DPP6: variants seen among roughly 807,000 people sequenced by gnomAD.
The protein encoded by DPP6 is dipeptidyl peptidase like 6, also known as A-type potassium channel modulatory protein DPP6.
A neutral mutation model predicts 122.6 loss-of-function variants in DPP6; 69 were observed. The observed-to-expected ratio is 0.56, with a 90% CI of 0.46 to 0.69. The LOEUF is 0.69. Among genes scored for constraint, DPP6 ranks in the 30% least tolerant of loss-of-function variants. DPP6 has a pLI of 0.00. For missense variants in DPP6, 928 were observed against 1,116.9 expected (o/e 0.83, Z 2.41); for synonymous variants, 418 against 433.1 (o/e 0.97, Z 0.43).
chr7:154,656,785 G>T (rs1262617771), intron 6 of DPP6, among the ~76,000 whole-genome samples: 1 of 139,168 alleles, frequency 7.2e-6, no homozygotes, highest in Admixed American at 7.1e-5. Flanking sequence ...GTGGGAGGAG[G>T]TACTCATGTG....
chr7:153,771,953 AT>A, the DPP6 span, among the ~76,000 whole-genome samples: 1 of 152,170 alleles, frequency 6.6e-6, no homozygotes, highest in Non-Finnish European at 1.5e-5. Context: ...AAGATAACTG[AT>A]TTTTTCAAGC....
chr7:153,866,025 G>GCC, the DPP6 span, among the ~76,000 whole-genome samples: 1,017 of 152,172 alleles, frequency 6.7e-3, 10 homozygotes, highest in African/African-American at 0.023. Flanking sequence ...GTGTATATGT[G>GCC]CCACATTTTC....
chr7:154,848,701 T>G (rs1317683287), intron 16 of DPP6, among the ~76,000 whole-genome samples: 1 of 151,904 alleles, frequency 6.6e-6, no homozygotes, highest in Non-Finnish European at 1.5e-5. Flanking sequence ...TTTTGTTGCC[T>G]GTGTCTTTGG....
chr7:154,182,443 C>G (rs139595064), intron 1 of DPP6, among the ~76,000 whole-genome samples: 58 of 152,174 alleles, frequency 3.8e-4, no homozygotes, highest in Non-Finnish European at 5.4e-4. Context: ...GGTTTTATGT[C>G]GGGGCTGTTC....
rs140903226 is a variant in DPP6, at chr7:154,331,306, G to C, written c.244-114908G>C. ...TCTCTGTGTGGCTTTTTGTGAGAGGGATGTAAGATTTATTTTTCTCTATGA... is the reference window on the plus strand; with the variant it reads ...TCTCTGTGTGGCTTTTTGTGAGAGGCATGTAAGATTTATTTTTCTCTATGA... On this transcript the variant is annotated intron_variant, in intron 1 of 25. Transcript: ENST00000377770. Among the ~76,000 whole-genome samples the C allele has an allele frequency of 3.2e-3, 487 of 152,318 alleles. 4 individuals carry two copies. The highest frequency in any genetic ancestry group is 0.011 in the African/African-American group (458 of 41,576).
chr7:154,659,134 C>T (rs1837456773), intron 6 of DPP6, among the ~76,000 whole-genome samples: 1 of 152,146 alleles, frequency 6.6e-6, no homozygotes. Flanking sequence ...AAATCAAATT[C>T]CAATGCAAAA....
intron 2 of DPP6, among the ~76,000 whole-genome samples, chr7:154,462,756 C>T (rs1008317951): frequency 1.5e-4 from 22 of 151,386 alleles, no homozygotes; most frequent in Non-Finnish European, 1.9e-4. Flanking sequence ...CCCATCAACC[C>T]GTCATTTAGC....
intron 1 of DPP6, among the ~76,000 whole-genome samples, chr7:154,231,329 A>G (rs77399054): frequency 0.098 from 14,854 of 152,210 alleles, 1,004 homozygotes; most frequent in African/African-American, 0.18. Flanking sequence ...TGAATGGGAA[A>G]TGAGAGTTCT....
intron 7 of DPP6, among the ~76,000 whole-genome samples, chr7:154,677,327 GA>G (rs1838975686): frequency 6.6e-6 from 1 of 152,088 alleles, no homozygotes; most frequent in Non-Finnish European, 1.5e-5. Context: ...CTTCCTCCCA[GA>G]ACCGTGTCTT....
the DPP6 span, among the ~76,000 whole-genome samples, chr7:153,757,693 C>T: frequency 6.6e-6 from 1 of 152,176 alleles, no homozygotes; most frequent in Non-Finnish European, 1.5e-5. Context: ...CACGGTGGTT[C>T]ACACATGTAA....
intron 5 of DPP6, among the ~76,000 whole-genome samples, chr7:154,599,478 C>A (rs1431519827): frequency 3.3e-5 from 5 of 150,206 alleles, no homozygotes; most frequent in African/African-American, 1.2e-4. Context: ...GTTCTCTCTA[C>A]TCAAGTGGAC....
chr7:153,761,217 AT>A, the DPP6 span, among the ~76,000 whole-genome samples: 2 of 152,142 alleles, frequency 1.3e-5, no homozygotes, highest in Non-Finnish European at 2.9e-5. Context: ...GGATTCATCC[AT>A]TTCCTGTTTC....
chr7:154,419,664 T>A (rs1378444968), intron 1 of DPP6, among the ~76,000 whole-genome samples: 1 of 152,214 alleles, frequency 6.6e-6, no homozygotes, highest in African/African-American at 2.4e-5. Flanking sequence ...TCTATAAAAC[T>A]GGTGAACGCT....
intron 4 of DPP6, among the ~76,000 whole-genome samples, chr7:154,542,625 A>G (rs1426232366): frequency 6.6e-6 from 1 of 152,252 alleles, no homozygotes; most frequent in Non-Finnish European, 1.5e-5. Context: ...CTCATCTCAG[A>G]AATTCGCTGG....
intron 1 of DPP6, among the ~76,000 whole-genome samples, chr7:154,391,318 C>T (rs1345007976): frequency 6.7e-6 from 1 of 149,764 alleles, no homozygotes; most frequent in Non-Finnish European, 1.5e-5. Context: ...ACCGATGCCC[C>T]TGTACCTCCT....
intron 1 of DPP6, among the ~76,000 whole-genome samples, chr7:153,974,521 T>A (rs537282054): frequency 1.1e-4 from 17 of 152,194 alleles, no homozygotes; most frequent in African/African-American, 4.1e-4. Context: ...TGTGTCAATG[T>A]GCAAGAGAAA....
intron 1 of DPP6, among the ~76,000 whole-genome samples, chr7:154,042,145 A>T (rs1320533388): frequency 6.6e-6 from 1 of 152,122 alleles, no homozygotes; most frequent in African/African-American, 2.4e-5. Context: ...GGAGGAAGTG[A>T]TGTTGGCAGG....
intron 1 of DPP6, among the ~76,000 whole-genome samples, chr7:153,973,675 G>GTGTGTGTGTGTGTC (rs61194333): frequency 1.1e-4 from 15 of 133,088 alleles, no homozygotes; most frequent in Non-Finnish European, 2.4e-4. Context: ...GTGTGTGTGT[G>GTGTGTGTGTGTGTC]TCTAATGGTA....
chr7:154,524,031 C>T (rs1015936666), intron 3 of DPP6, among the ~76,000 whole-genome samples: 4 of 152,184 alleles, frequency 2.6e-5, no homozygotes, highest in African/African-American at 4.8e-5. Flanking sequence ...TCTACACTTA[C>T]GAGTTGACAG....
Sources: allele counts gnomAD v4.1 joint callset (sites outside exome capture counted in the v4.1 genomes callset), GRCh38; gene constraint gnomAD v4.1.1; transcripts MANE v1.5; gene names NCBI Gene and HGNC (gene_info 2026-07-23, HGNC 2026-07-21).